TGM6: variants seen among roughly 807,000 people sequenced by gnomAD.
The protein encoded by TGM6 is transglutaminase 6.
In TGM6, 74 loss-of-function variants were observed where a neutral mutation model predicts 77.5. The ratio of observed to expected loss-of-function variants is 0.96; its 90% confidence interval spans 0.79 to 1.16. TGM6 has a LOEUF of 1.16. Ranked by LOEUF, TGM6 falls within the 50% of genes most tolerant of loss-of-function variation. The pLI is 0.00. For synonymous variants in TGM6, 383 were observed against 378.9 expected (o/e 1.01, Z -0.12); for missense variants, 968 against 940.2 (o/e 1.03, Z -0.39).
intron 1 of TGM6, among the ~76,000 whole-genome samples, chr20:2,384,522 G>A (rs543162687): frequency 2.0e-5 from 3 of 152,272 alleles, no homozygotes; most frequent in South Asian, 2.1e-4. Flanking sequence ...CCTAGTATGT[G>A]CCTGGTACCA....
chr20:2,408,752 A>T (rs1055247253), intron 9 of TGM6, among the ~76,000 whole-genome samples: 2 of 152,162 alleles, frequency 1.3e-5, no homozygotes, highest in Non-Finnish European at 2.9e-5. Flanking sequence ...GCATGTGTTT[A>T]TTGAGCATTT....
At chr20:2,430,401 A>G in intron 10 of TGM6, 45 bp from the exon 11 acceptor site, 1 of 1,613,028 alleles carries the variant, frequency 6.2e-7, no homozygotes, top group Non-Finnish European at 8.5e-7. Context: ...GTGCCATTGA[A>G]GAAAGACATC....
chr20:2,420,468 A>G (rs1387315348), intron 10 of TGM6, among the ~76,000 whole-genome samples: 1 of 152,156 alleles, frequency 6.6e-6, no homozygotes, highest in Non-Finnish European at 1.5e-5. Flanking sequence ...ATGAGCCAAT[A>G]TTGGCACAGT....
intron 1 of TGM6, among the ~76,000 whole-genome samples, chr20:2,384,453 T>TGGCA (rs919875584): frequency 2.8e-4 from 42 of 152,120 alleles, no homozygotes; most frequent in Non-Finnish European, 5.7e-4. Flanking sequence ...AGCACAGGAA[T>TGGCA]GGCAGCTAGG....
At chr20:2,413,024 C>T (rs2122397696) in intron 9 of TGM6, among the ~76,000 whole-genome samples, 1 of 152,268 alleles carries the variant, frequency 6.6e-6, no homozygotes, top group African/African-American at 2.4e-5. Context: ...AATTAGCAAC[C>T]TGATCATAAA....
chr20:2,431,383 C>T (rs746555071), intron 12 of TGM6, among the ~76,000 whole-genome samples: 1 of 152,120 alleles, frequency 6.6e-6, no homozygotes, highest in Non-Finnish European at 1.5e-5. Context: ...TTTTTTCATT[C>T]ACTTATTCCT....
At chr20:2,418,310 C>T (rs2092631) in intron 10 of TGM6, among the ~76,000 whole-genome samples, 27,841 of 152,172 alleles carry the variant, frequency 0.18, 2,656 homozygotes, top group East Asian at 0.25. Context: ...GAGATGTTTA[C>T]TAAGTGCTTA....
rs532747154 is a variant in TGM6 at position 2,419,831 on chromosome 20, A to G, written c.1678+2258A>G. Among the ~76,000 whole-genome samples the G allele has an allele frequency of 1.5e-4, 23 of 152,364 alleles. No individual in the cohort carries two copies. The South Asian group carries it at 4.6e-3, about 30-fold the overall frequency. ...TAGTTATCAGCTTATTGCTATTAAAAATAACACTAAACTTTTGTTTATCTA... is the reference window on the plus strand; with the variant it reads ...TAGTTATCAGCTTATTGCTATTAAAGATAACACTAAACTTTTGTTTATCTA... On this transcript the variant is annotated intron_variant, in intron 10 of 12. Coordinates refer to ENST00000202625, the MANE Select transcript of TGM6 (RefSeq NM_198994.3).
chr20:2,404,934 C>T (rs2084739576), intron 9 of TGM6, among the ~76,000 whole-genome samples: 1 of 152,208 alleles, frequency 6.6e-6, no homozygotes, highest in Non-Finnish European at 1.5e-5. Flanking sequence ...AGCCACTGCA[C>T]CTAGCCCCTT....
chr20:2,384,751 T>C (rs979660381), intron 1 of TGM6, among the ~76,000 whole-genome samples: 7 of 151,998 alleles, frequency 4.6e-5, no homozygotes, highest in African/African-American at 7.3e-5. Flanking sequence ...GAGAAGACGA[T>C]GAGAGGGAGA....
intron 9 of TGM6, among the ~76,000 whole-genome samples, chr20:2,414,143 G>A (rs922477651): frequency 2.6e-5 from 4 of 152,098 alleles, no homozygotes; most frequent in Admixed American, 6.5e-5. Context: ...AGGCCAAGGC[G>A]AGAGGAGTAC....
chr20:2,430,562 G>A lies in TGM6; in HGVS notation c.1795G>A (p.Glu599Lys). ...CACCAAAGGAGAGAAGCTTCTGGTG[G>A]AGAAGGACATTACTCTAGAGGACTT... is the stretch of plus-strand genomic sequence containing the variant. ...LVTKGEKLLVEKDITLEDFIT... is the reference protein window; with the variant it reads ...LVTKGEKLLVKKDITLEDFIT... Residue 599 changes from glutamate (E) to lysine (K), a missense_variant, in exon 11 of 13, where the codon GAG becomes AAG. Physicochemically the swap from Glu to Lys is moderately conservative, Grantham distance 56. Coordinates refer to ENST00000202625, the MANE Select transcript of TGM6 (RefSeq NM_198994.3). The A allele has an allele frequency of 1.2e-6, 2 of 1,614,176 alleles. No homozygotes were observed. Among genetic ancestry groups the A allele is most frequent in the East Asian group, 2.2e-5 (1 of 44,886 alleles).
intron 10 of TGM6, among the ~76,000 whole-genome samples, chr20:2,429,288 G>A (rs1222372944): frequency 1.3e-5 from 2 of 152,102 alleles, no homozygotes; most frequent in African/African-American, 4.8e-5. Context: ...CAGAGCGCAT[G>A]AGCCAAGTTG....
chr20:2,386,214 C>G (rs932621713), intron 1 of TGM6, among the ~76,000 whole-genome samples: 5 of 152,184 alleles, frequency 3.3e-5, no homozygotes, highest in African/African-American at 1.2e-4. Context: ...GTAGTTCCCC[C>G]TGCAGAATCC....
intron 9 of TGM6, among the ~76,000 whole-genome samples, chr20:2,411,056 C>A (rs987680196): frequency 2.0e-5 from 3 of 152,084 alleles, no homozygotes; most frequent in African/African-American, 7.2e-5. Flanking sequence ...GAACTAATAT[C>A]AATTATTCAT....
rs372250159 is a variant in TGM6 at position 2,395,343 on chromosome 20, C to T, written c.331C>T (p.Arg111Cys). Residue 111 changes from arginine (R) to cysteine (C), a missense_variant, in exon 3 of 13, where the codon CGC (arginine) becomes TGC (cysteine). Physicochemically the swap from Arg to Cys is radical, Grantham distance 180. Coordinates refer to ENST00000202625, the MANE Select transcript of TGM6 (RefSeq NM_198994.3). ...LASPPSAVIG[R>C]YLLSIRLSSH... ...CAGCCCTCCCAGTGCTGTCATTGGC[C>T]GCTACCTGCTGAGCATCAGGCTTTC... 1.5e-5 allele frequency: 24 copies of T among 1,614,108 alleles called. No homozygotes were observed. Among genetic ancestry groups the T allele is most frequent in the East Asian group, 6.7e-5 (3 of 44,898 alleles).
Position 2,431,026 on chromosome 20 carries a change from G to C in TGM6, c.1966G>C (p.Asp656His). 1 of 1,613,946 alleles carries C rather than the reference G, an allele frequency of 6.2e-7. No homozygotes were observed. Among genetic ancestry groups the C allele is most frequent in the South Asian group, 1.1e-5 (1 of 91,066 alleles). ...CCTTCTCCAGGAACAGCTCAGCATC[G>C]AGTAAGTGCCAGCCTGGGGGGCTGG... ...SGLLQEQLSI[D>H]VPTLEPQERA... Residue 656 changes from aspartate to histidine, a missense_variant and splice_region_variant, in exon 12 of 13, where the codon GAC becomes CAC. Transcript: ENST00000202625.
chr20:2,411,465 A>AAC (rs3050735), intron 9 of TGM6, among the ~76,000 whole-genome samples: 2 of 151,916 alleles, frequency 1.3e-5, no homozygotes, highest in Non-Finnish European at 2.9e-5. Context: ...ATAAAAAAAA[A>AAC]CACTCAACAA....
Position 2,432,528 on chromosome 20 carries a change from A to C in TGM6, c.2006A>C (p.Gln669Pro). The C allele has an allele frequency of 1.2e-6, 2 of 1,614,074 alleles. No individual in the cohort carries two copies. The highest frequency in any genetic ancestry group is 1.7e-6 in the Non-Finnish European group (2 of 1,180,002). ...GAGCCTCAGGAGAGGGCCTCAGTCC[A>C]GTTTGACATCACCCCCTCCAAAAGT... The part of the protein sequence containing the change: ...TLEPQERASV[Q>P]FDITPSKSGP... The change falls in exon 13 of 13, where the codon CAG becomes CCG. Residue 669 changes from glutamine (Q) to proline (P), a missense_variant. By Grantham distance (76) the Gln-to-Pro change is moderately conservative. Coordinates refer to ENST00000202625, the MANE Select transcript of TGM6 (RefSeq NM_198994.3).
Sources: allele counts gnomAD v4.1 joint callset (sites outside exome capture counted in the v4.1 genomes callset), GRCh38; gene constraint gnomAD v4.1.1; transcripts MANE v1.5; gene names NCBI Gene and HGNC (gene_info 2026-07-23, HGNC 2026-07-21).